The following EVC variants were observed in gnomAD, a reference collection of about 807,000 sequenced individuals.
EVC encodes the protein EvC ciliary complex subunit 1, also known as evC complex member EVC.
Under a neutral mutation model 118.9 loss-of-function variants are expected in EVC, and 116 were observed. The ratio of observed to expected loss-of-function variants is 0.98; its 90% CI spans 0.84 to 1.14. The LOEUF (loss-of-function observed/expected upper bound fraction) is 1.14, where lower values mean the gene tolerates loss of function less well. Among genes scored for constraint, EVC ranks in the 50% most tolerant of loss-of-function variants. The pLI, the probability that EVC is intolerant of heterozygous loss-of-function variation, is 0.00. For synonymous variants in EVC, 619 were observed against 534.7 expected (o/e 1.16, Z -2.18); for missense variants, 1,401 against 1,246.4 (o/e 1.12, Z -1.87).
chr4:5,821,427 C>T, the EVC span: 50 of 333,604 alleles, frequency 1.5e-4, 2 homozygotes, highest in South Asian at 3.5e-3. This position sits in a 1 kb window ranked among gnomAD's most constrained non-coding sequence, Gnocchi z 4.4. Context: ...GCAAAGGAAC[C>T]ACCACTCAGA....
chr4:5,795,112 T>C (rs1311969828), intron 13 of EVC, among the ~76,000 whole-genome samples: 2 of 152,248 alleles, frequency 1.3e-5, no homozygotes, highest in East Asian at 1.9e-4. Flanking sequence ...ATATATACCA[T>C]TTCTTTATCC....
In EVC at chr4:5,754,628, C is replaced by T. The variant is rs949387945; in HGVS notation, c.1464+695C>T. 2.0e-5 allele frequency among the ~76,000 whole-genome samples: 3 copies of T among 152,038 alleles called. No homozygotes were observed. Among genetic ancestry groups the T allele is most frequent in the African/African-American group, 7.2e-5 (3 of 41,404 alleles). Reference sequence around the variant, plus strand: ...GGGGCTGGGAGAGGACCAGCTTGTCCGTAACCGTCTTGCAGGCTGGTTAAG... The same window carrying T: ...GGGGCTGGGAGAGGACCAGCTTGTCTGTAACCGTCTTGCAGGCTGGTTAAG... On this transcript the variant is annotated intron_variant, in intron 10 of 20. Transcript: ENST00000264956. The surrounding 1 kb of genome is among the most constrained non-coding windows in gnomAD (Gnocchi z 5.8).
In EVC at chr4:5,756,315, G is replaced by GC; in HGVS notation, c.1516_1517insC (p.Glu506AlafsTer50). Reference sequence around the variant, plus strand: ...GAGGCTGATGCAGTGTGACCTGGAGGAAGAGGAGAATGTCAGAGCCACCGA... The same window carrying GC: ...GAGGCTGATGCAGTGTGACCTGGAGGCAAGAGGAGAATGTCAGAGCCACCGA... On this transcript the variant is annotated frameshift_variant, in exon 11 of 21. Coordinates refer to ENST00000264956, the MANE Select transcript of EVC (RefSeq NM_153717.3). LOFTEE classifies it high-confidence loss of function. The surrounding 1 kb of genome is among the most constrained non-coding windows in gnomAD (Gnocchi z 4.2). The GC allele has an allele frequency of 6.2e-7, 1 of 1,612,862 alleles. No individual in the cohort carries two copies. Among genetic ancestry groups the GC allele is most frequent in the Non-Finnish European group, 8.5e-7 (1 of 1,179,740 alleles).
intron 11 of EVC, among the ~76,000 whole-genome samples, chr4:5,759,735 T>C (rs1731715566): frequency 6.6e-6 from 1 of 152,228 alleles, no homozygotes; most frequent in African/African-American, 2.4e-5. Flanking sequence ...CCAAGCAGTA[T>C]ATAAATGTAA....
Position 5,798,596 on chromosome 4 carries a change from TGCTGGAGGAGGCCAGCCG to T in EVC, c.2112_2129del (p.Ala707_Glu712del). On this transcript the variant is annotated inframe_deletion, in exon 15 of 21. Coordinates refer to ENST00000264956, the MANE Select transcript of EVC (RefSeq NM_153717.3). The surrounding 1 kb of genome is among the most constrained non-coding windows in gnomAD (Gnocchi z 4.1). ...TCCTTTCCCTCCCAGGAGGCGCGTGTGCTGGAGGAGGCCAGCCGGCTAGAGGAGGAAGCACAGCAGACA... is the reference window on the plus strand; with the variant it reads ...TCCTTTCCCTCCCAGGAGGCGCGTGTGCTAGAGGAGGAAGCACAGCAGACA... The T allele has an allele frequency of 6.4e-7, 1 of 1,568,924 alleles. No homozygotes were observed. The highest frequency in any genetic ancestry group is 8.6e-7 in the Non-Finnish European group (1 of 1,158,116).
At chr4:5,781,690 T>G (rs1735621523) in intron 11 of EVC, among the ~76,000 whole-genome samples, 1 of 152,000 alleles carries the variant, frequency 6.6e-6, no homozygotes, top group Admixed American at 6.6e-5. Context: ...ATATAAAAAA[T>G]TAGCCAGGCA....
chr4:5,773,915 G>A (rs1031687639), intron 11 of EVC, among the ~76,000 whole-genome samples: 1 of 152,018 alleles, frequency 6.6e-6, no homozygotes, highest in Admixed American at 6.5e-5. Flanking sequence ...AACATTCTTG[G>A]GTCCTGTGAT....
At chr4:5,722,542 C>T (rs752480650) in intron 2 of EVC, among the ~76,000 whole-genome samples, 51 of 152,144 alleles carry the variant, frequency 3.4e-4, no homozygotes, top group Admixed American at 3.3e-4. Context: ...GTTCCTGCCA[C>T]GCCTTGGATG....
Position 5,743,243 on chromosome 4 carries a change from C to G in EVC, c.801+1429C>G, listed in dbSNP as rs961070840. On this transcript the variant is annotated intron_variant, in intron 6 of 20. Transcript: ENST00000264956. This position sits in a 1 kb window ranked among gnomAD's most constrained non-coding sequence, Gnocchi z 4.7. ...TTCCTGCCGGTTTCTTCACTTTATC[C>G]TGTCTGGACCAGATCCCATTTTGAT... 2.6e-5 allele frequency among the ~76,000 whole-genome samples: 4 copies of G among 152,116 alleles called. No individual in the cohort carries two copies. Among genetic ancestry groups the G allele is most frequent in the African/African-American group, 9.7e-5 (4 of 41,426 alleles).
At chr4:5,733,065 A>G (rs1727095566) in intron 4 of EVC, among the ~76,000 whole-genome samples, 1 of 152,114 alleles carries the variant, frequency 6.6e-6, no homozygotes, top group Non-Finnish European at 1.5e-5. Context: ...AGGAAACGTC[A>G]TTTTTATTTC....
intron 13 of EVC, 50 bp downstream of exon 13, chr4:5,793,767 C>CAT: frequency 7.1e-7 from 1 of 1,401,082 alleles, no homozygotes; most frequent in Non-Finnish European, 9.9e-7. Flanking sequence ...GCATGATGCT[C>CAT]CCTCCAGCCT....
At chr4:5,712,338 G>A (rs992399317) in intron 1 of EVC, among the ~76,000 whole-genome samples, 2 of 152,222 alleles carry the variant, frequency 1.3e-5, no homozygotes, top group African/African-American at 4.8e-5. Flanking sequence ...TAAAGTGACA[G>A]AAGTGTCTAA....
At position 5,719,428 on chromosome 4, in the gene EVC, C is replaced by G. The variant is rs1399077757; in HGVS notation, c.300+55C>G. ...AGGCACATGTGGGAGGTGGGGTATT[C>G]CCCCTGGAAGCCGGGTGTCATGTAG... On this transcript the variant is annotated intron_variant, in intron 2 of 20. Transcript: ENST00000264956. This position sits in a 1 kb window ranked among gnomAD's most constrained non-coding sequence, Gnocchi z 4.7. The G allele has an allele frequency of 2.5e-6, 4 of 1,612,492 alleles. No individual in the cohort carries two copies. The highest frequency in any genetic ancestry group is 1.7e-5 in the Admixed American group (1 of 59,966).
intron 1 of EVC, among the ~76,000 whole-genome samples, chr4:5,713,883 A>G (rs1043563073): frequency 6.6e-6 from 1 of 152,078 alleles, no homozygotes; most frequent in South Asian, 2.1e-4. Flanking sequence ...AGCCTGGGCA[A>G]CAAGAATGAA....
rs534402012 is a variant in EVC at position 5,737,213 on chromosome 4, G to C, written c.702+3778G>C. On this transcript the variant is annotated intron_variant, in intron 5 of 20. Transcript: ENST00000264956. The surrounding 1 kb of genome is among the most constrained non-coding windows in gnomAD (Gnocchi z 5.0). ...CAATACTCTAACTCTCTTCAATTCTGTGAGTGCTGAGAGAGGTGAGGAAGC... is the reference window on the plus strand; with the variant it reads ...CAATACTCTAACTCTCTTCAATTCTCTGAGTGCTGAGAGAGGTGAGGAAGC... Among the ~76,000 whole-genome samples, 4 of 152,306 alleles carry C rather than the reference G, an allele frequency of 2.6e-5. No individual in the cohort carries two copies. The East Asian group carries it at 7.7e-4, about 29-fold the overall frequency.
intron 2 of EVC, among the ~76,000 whole-genome samples, chr4:5,728,223 T>C (rs960904917): frequency 6.6e-6 from 1 of 152,186 alleles, no homozygotes; most frequent in Non-Finnish European, 1.5e-5. Context: ...TGTTCTTCCA[T>C]TTGTTTGTAT....
chr4:5,801,741 T>TCATCGCATCCCTAACA (rs1222771641), intron 15 of EVC: 4 of 563,740 alleles, frequency 7.1e-6, no homozygotes, highest in Non-Finnish European at 1.3e-5. Context: ...CGCATTTCAT[T>TCATCGCATCCCTAACA]GGCTCTAGAC....
chr4:5,786,270 G>A lies in EVC; in HGVS notation c.1776+2506G>A, dbSNP rs145895227. ...ATCATTTAATGGTATTGATAGTGAA[G>A]GAATCCAGAATTTCATTTCTGACAA... On this transcript the variant is annotated intron_variant, in intron 12 of 20. Transcript: ENST00000264956. 2.3e-3 allele frequency among the ~76,000 whole-genome samples: 347 copies of A among 152,300 alleles called. 3 individuals are homozygous for A. Among genetic ancestry groups the A allele is most frequent in the African/African-American group, 7.7e-3 (319 of 41,562 alleles).
At chr4:5,744,022 G>A (rs1239924015) in intron 6 of EVC, among the ~76,000 whole-genome samples, 1 of 152,196 alleles carries the variant, frequency 6.6e-6, no homozygotes, top group Non-Finnish European at 1.5e-5. Context: ...AAACAAGGCT[G>A]TCTGAACTTA....
Sources: gnomAD v4.1 joint callset for allele counts (sites outside exome capture counted in the v4.1 genomes callset) on GRCh38, gnomAD v4.1.1 for gene constraint, Gnocchi (gnomAD v3.1) non-coding constraint, MANE v1.5 for transcripts, NCBI Gene and HGNC (gene_info 2026-07-23, HGNC 2026-07-21) for gene names.